The following SEMA3A variants were observed in gnomAD, a reference collection of about 807,000 sequenced individuals.
The protein encoded by SEMA3A is semaphorin-3A.
In SEMA3A, 29 loss-of-function variants were observed where a neutral mutation model predicts 97.9. The observed-to-expected ratio is 0.30, with a 90% CI of 0.22 to 0.40. The LOEUF (loss-of-function observed/expected upper bound fraction) is 0.40, where lower values mean the gene tolerates loss of function less well. Ranked by LOEUF, SEMA3A falls within the 10% of genes least tolerant of loss-of-function variation. The pLI is 1.00. For missense variants in SEMA3A, 763 were observed against 951.3 expected, an observed-to-expected ratio of 0.80 and a Z score of 2.60; for synonymous variants, 321 against 323.7, an observed-to-expected ratio of 0.99 and a Z score of 0.09.
chr7:84,192,322 T>C lies in SEMA3A; in HGVS notation c.112+2153A>G, dbSNP rs1407269373. Among the ~76,000 whole-genome samples the C allele has an allele frequency of 2.6e-5, 4 of 151,922 alleles. No homozygotes were observed. In the East Asian group the frequency reaches 7.7e-4, roughly 29 times the overall value. On this transcript the variant is annotated intron_variant, in intron 1 of 16. Coordinates refer to ENST00000265362, the MANE Select transcript of SEMA3A (RefSeq NM_006080.3). ...CGTACATGTAGAGACAAAAAGGTAA[T>C]GACAGATTAATAAAATAACAGAAAA...
At chr7:84,188,067 C>T (rs566443579) in intron 1 of SEMA3A, among the ~76,000 whole-genome samples, 6 of 152,116 alleles carry the variant, frequency 3.9e-5, no homozygotes, top group African/African-American at 1.4e-4. Flanking sequence ...AAGTTTTGGT[C>T]AACATAGTTT....
At chr7:84,356,250 A>G (rs1802557977) in intron 2 of SEMA3A, among the ~76,000 whole-genome samples, 1 of 151,802 alleles carries the variant, frequency 6.6e-6, no homozygotes, top group Non-Finnish European at 1.5e-5. Flanking sequence ...TATGCAACAC[A>G]CTGATTTTAA....
rs996505092 is a variant in SEMA3A, at chr7:84,429,545, T to G, written c.-245-57645A>C. On this transcript the variant is annotated intron_variant, in intron 1 of 3. Transcript: ENST00000424555. Reference sequence around the variant, plus strand: ...ATATATATATATATATATATATATATATAGCGAGAGAGAGAGAGAGAGAGA... The same window carrying G: ...ATATATATATATATATATATATATAGATAGCGAGAGAGAGAGAGAGAGAGA... Among the ~76,000 whole-genome samples the G allele has an allele frequency of 5.6e-4, 69 of 122,232 alleles. 3 individuals carry two copies. Among genetic ancestry groups the G allele is most frequent in the African/African-American group, 1.9e-3 (62 of 32,770 alleles). The allele number at this position is 122,232 out of a possible 152,430, so 80.2% of individuals were successfully genotyped here.
At chr7:84,105,115 G>T (rs1277611684) in intron 4 of SEMA3A, among the ~76,000 whole-genome samples, 1 of 152,114 alleles carries the variant, frequency 6.6e-6, no homozygotes, top group Admixed American at 6.5e-5. Context: ...TCCAATGTAA[G>T]ATCTCAGAAA....
chr7:83,990,977 T>A (rs1185315752), intron 12 of SEMA3A, among the ~76,000 whole-genome samples: 1 of 152,112 alleles, frequency 6.6e-6, no homozygotes, highest in Non-Finnish European at 1.5e-5. Context: ...CTTTTGTTTG[T>A]ATCCTCTTTT....
Position 84,402,735 on chromosome 7 carries a change from C to T in SEMA3A, c.-245-30835G>A, listed in dbSNP as rs80050557. 0.012 allele frequency among the ~76,000 whole-genome samples: 1,884 copies of T among 152,058 alleles called. 77 individuals carry two copies. In the East Asian group the frequency reaches 0.16, roughly 13 times the overall value. On this transcript the variant is annotated intron_variant, in intron 1 of 3. Coordinates refer to the SEMA3A transcript ENST00000424555. ...TACATGATGGAATATTATCCAGCCA[C>T]AAAAAGAATAATATTCTATTACTTT...
intron 1 of SEMA3A, among the ~76,000 whole-genome samples, chr7:84,172,961 G>A (rs1442984552): frequency 6.6e-6 from 1 of 152,252 alleles, no homozygotes; most frequent in Admixed American, 6.5e-5. Flanking sequence ...ACCTGGGAAA[G>A]TTTTGGGAAA....
At chr7:84,408,416 G>T (rs1338251319) in intron 1 of SEMA3A, among the ~76,000 whole-genome samples, 4 of 151,540 alleles carry the variant, frequency 2.6e-5, no homozygotes, top group South Asian at 2.1e-4. Context: ...AGGATGTGGA[G>T]AAATAGGAAC....
intron 1 of SEMA3A, among the ~76,000 whole-genome samples, chr7:84,140,669 T>C (rs892316355): frequency 1.6e-4 from 24 of 152,146 alleles, no homozygotes; most frequent in Non-Finnish European, 1.5e-5. Context: ...CACATCTAGA[T>C]ATTTGTAAAT....
chr7:84,258,795 G>C lies in SEMA3A; in HGVS notation c.-83+48412C>G, dbSNP rs1365784665. Among the ~76,000 whole-genome samples, 5 of 152,032 alleles carry C rather than the reference G, an allele frequency of 3.3e-5. No individual in the cohort carries two copies. The South Asian group carries it at 1.0e-3, about 31-fold the overall frequency. On this transcript the variant is annotated intron_variant, in intron 3 of 3. Coordinates refer to the SEMA3A transcript ENST00000424555. Reference sequence around the variant, plus strand: ...TATAGCCCAAGATTCCTCACTTCTAGTCATAAATTCCAACCACAAAACCTC... The same window carrying C: ...TATAGCCCAAGATTCCTCACTTCTACTCATAAATTCCAACCACAAAACCTC...
chr7:84,220,756 G>A (rs977675768), intron 3 of SEMA3A, among the ~76,000 whole-genome samples: 13 of 152,106 alleles, frequency 8.5e-5, no homozygotes, highest in African/African-American at 2.6e-4. Context: ...TAAAATATTC[G>A]GTAACCCATG....
chr7:83,984,295 G>A (rs1008293759), intron 13 of SEMA3A, among the ~76,000 whole-genome samples: 1 of 152,058 alleles, frequency 6.6e-6, no homozygotes, highest in African/African-American at 2.4e-5. Flanking sequence ...TTCAGATTAC[G>A]AGAACAGATG....
chr7:84,316,130 CAAAAAAAAAAAAA>C (rs202005657), intron 2 of SEMA3A, among the ~76,000 whole-genome samples: 7 of 30,226 alleles, frequency 2.3e-4, no homozygotes, highest in East Asian at 5.2e-4. Context: ...GACTCTATCT[CAAAAAAAAAAAAA>C]AAAAAAAAAA....
chr7:84,466,268 G>A (rs1448054390), intron 1 of SEMA3A, among the ~76,000 whole-genome samples: 3 of 152,080 alleles, frequency 2.0e-5, no homozygotes, highest in Admixed American at 6.5e-5. Context: ...CGCCTCCCTG[G>A]TTCAAGCGAT....
intron 3 of SEMA3A, among the ~76,000 whole-genome samples, chr7:84,261,794 A>T (rs1799862249): frequency 1.3e-5 from 2 of 152,260 alleles, no homozygotes; most frequent in Non-Finnish European, 2.9e-5. Flanking sequence ...TGCAATGCCA[A>T]GTGGGTGGAA....
chr7:84,135,202 C>T (rs1584018487), intron 1 of SEMA3A, among the ~76,000 whole-genome samples: 1 of 151,574 alleles, frequency 6.6e-6, no homozygotes, highest in East Asian at 1.9e-4. Context: ...CCACAACCTC[C>T]CGAGTTCAAG....
At chr7:84,385,554 T>A (rs1033437470) in intron 1 of SEMA3A, among the ~76,000 whole-genome samples, 5 of 152,164 alleles carry the variant, frequency 3.3e-5, no homozygotes, top group Non-Finnish European at 7.4e-5. Context: ...ACCTGGAACA[T>A]ACCCAGATCT....
chr7:84,026,174 T>C (rs1314389713), intron 6 of SEMA3A, among the ~76,000 whole-genome samples: 1 of 152,172 alleles, frequency 6.6e-6, no homozygotes, highest in Non-Finnish European at 1.5e-5. Context: ...CATAAATACA[T>C]AAAGTCATCA....
At chr7:84,085,138 A>C (rs2115817908) in intron 4 of SEMA3A, among the ~76,000 whole-genome samples, 1 of 152,282 alleles carries the variant, frequency 6.6e-6, no homozygotes, top group South Asian at 2.1e-4. Flanking sequence ...ATCTATGTAA[A>C]GTAATACCTA....
Sources: allele counts gnomAD v4.1 joint callset (sites outside exome capture counted in the v4.1 genomes callset), GRCh38; gene constraint gnomAD v4.1.1; transcripts MANE v1.5; gene names NCBI Gene and HGNC (gene_info 2026-07-23, HGNC 2026-07-21).